Variants in CEP192 observed in about 807,000 individuals in gnomAD.
CEP192 encodes the protein centrosomal protein 192, also known as centrosomal protein of 192 kDa.
CEP192 carries 151 observed loss-of-function variants against 271.8 expected under a neutral mutation model. That is an observed-to-expected ratio of 0.56 (90% CI 0.49 to 0.64). The LOEUF (loss-of-function observed/expected upper bound fraction) is 0.64. Among genes scored for constraint, CEP192 ranks in the 30% least tolerant of loss-of-function variants. CEP192 has a pLI of 0.00. For synonymous variants in CEP192, 995 were observed against 1,076.5 expected, an observed-to-expected ratio of 0.92 and a Z score of 1.48; for missense variants, 2,910 against 3,020.5, an observed-to-expected ratio of 0.96 and a Z score of 0.86.
chr18:13,087,374 A>G (rs2038945416), intron 31 of CEP192, 97 bp downstream of exon 31: 2 of 1,156,716 alleles, frequency 1.7e-6, no homozygotes, highest in East Asian at 2.5e-5. Context: ...ATACTTGAAA[A>G]TAATGTAGGA....
intron 15 of CEP192, among the ~76,000 whole-genome samples, chr18:13,047,226 C>T (rs1175720991): frequency 1.3e-5 from 2 of 152,128 alleles, no homozygotes; most frequent in Non-Finnish European, 2.9e-5. Context: ...TGGAATTGAG[C>T]TGATTGGAGC....
chr18:13,064,236 A>G (rs949356489), intron 21 of CEP192, among the ~76,000 whole-genome samples: 5 of 152,154 alleles, frequency 3.3e-5, no homozygotes, highest in African/African-American at 7.2e-5. Flanking sequence ...TCTTCTGCAT[A>G]TGGATATCCA....
chr18:13,084,432 AG>A (rs997491224), intron 30 of CEP192, among the ~76,000 whole-genome samples: 4 of 152,214 alleles, frequency 2.6e-5, no homozygotes, highest in Admixed American at 1.3e-4. Context: ...TGCCAAGCCA[AG>A]CGCGGGATAA....
Position 13,068,366 on chromosome 18 carries a change from A to G in CEP192, c.4766A>G (p.Glu1589Gly), listed in dbSNP as rs1568367530. 6.2e-7 allele frequency: 1 copy of G among 1,612,424 alleles called. No individual in the cohort carries two copies. Among genetic ancestry groups the G allele is most frequent in the Non-Finnish European group, 8.5e-7 (1 of 1,179,084 alleles). ...MPASYDGQDP[E>G]FLMIWVLFHS... The stretch of plus-strand genomic sequence containing the variant: ...TTTCTTTTAATTTTATAGGATCCAG[A>G]ATTTCTGATGATTTGGGTTCTTTTC... The change falls in exon 24 of 45, where the codon GAA becomes GGA. Residue 1589 changes from glutamate (E) to glycine (G), a missense_variant. Glu to Gly is a moderately conservative substitution (Grantham distance 98, BLOSUM62 -2). Transcript: ENST00000506447.
At chr18:13,004,441 C>CA (rs934887637) in intron 3 of CEP192, among the ~76,000 whole-genome samples, 1 of 152,194 alleles carries the variant, frequency 6.6e-6, no homozygotes, top group East Asian at 1.9e-4. Flanking sequence ...GGGTAGGCCA[C>CA]AATGTGCAGT....
chr18:13,040,077 A>C (rs1362224024), intron 13 of CEP192, among the ~76,000 whole-genome samples: 1 of 152,228 alleles, frequency 6.6e-6, no homozygotes, highest in East Asian at 1.9e-4. Flanking sequence ...GATTCATAGA[A>C]GTTGAAGAGT....
chr18:13,124,557 AG>A (rs1179885453), intron 44 of CEP192, 74 bp from the exon 45 acceptor site: 1 of 1,419,352 alleles, frequency 7.0e-7, no homozygotes, highest in South Asian at 1.6e-5. Context: ...CACCTGAGCC[AG>A]GCACTGTGCT....
At chr18:13,047,844 T>G (rs538185146) in intron 15 of CEP192, among the ~76,000 whole-genome samples, 1 of 152,350 alleles carries the variant, frequency 6.6e-6, no homozygotes, top group Non-Finnish European at 1.5e-5. Flanking sequence ...GCAATCACAA[T>G]GACTCAGTGG....
Position 13,049,078 on chromosome 18 carries a change from C to A in CEP192, c.2287C>A (p.Arg763Ser), listed in dbSNP as rs752331027. The change falls in exon 16 of 45, where the codon CGT (arginine) becomes AGT (serine). Residue 763 changes from arginine to serine, a missense_variant. Transcript: ENST00000506447. ...GAAACAAAAGGACTATTCTCATGTG[C>A]GTCATTTCTTACCTAATGATTTAGA... is the stretch of plus-strand genomic sequence containing the variant. ...DEKQKDYSHV[R>S]HFLPNDLEKS... 2 of 1,613,618 alleles carry A rather than the reference C, an allele frequency of 1.2e-6. No homozygotes were observed. The highest frequency in any genetic ancestry group is 2.7e-5 in the African/African-American group (2 of 74,856).
chr18:13,089,725 C>A (rs1253279143), intron 33 of CEP192, among the ~76,000 whole-genome samples, 160 bp downstream of exon 33: 1 of 152,208 alleles, frequency 6.6e-6, no homozygotes, highest in Non-Finnish European at 1.5e-5. Context: ...CAAATTACAT[C>A]ATTGAATGTC....
chr18:13,061,610 T>C (rs1355257439), intron 21 of CEP192, among the ~76,000 whole-genome samples: 1 of 152,270 alleles, frequency 6.6e-6, no homozygotes, highest in Non-Finnish European at 1.5e-5. Context: ...TTTGCACATA[T>C]TATAAACTTT....
At chr18:12,999,697 G>C (rs2033484132) in intron 2 of CEP192, 109 bp downstream of exon 2, 1 of 668,818 alleles carries the variant, frequency 1.5e-6, no homozygotes, top group East Asian at 3.1e-5. Flanking sequence ...TATCTATGAG[G>C]GGGATGGCCA....
Position 13,124,633 on chromosome 18 carries a change from G to A in CEP192, c.7477G>A (p.Ala2493Thr), listed in dbSNP as rs2040822199. The change falls in exon 45 of 45, where the codon GCC becomes ACC. Residue 2493 changes from alanine to threonine, a missense_variant and splice_region_variant. Coordinates refer to ENST00000506447, the MANE Select transcript of CEP192 (RefSeq NM_032142.4). ...TGTCATGTGCCTCTCTCTTTCCAGAGCCCAGCATTACATCAACATGCCCGT... is the reference window on the plus strand; with the variant it reads ...TGTCATGTGCCTCTCTCTTTCCAGAACCCAGCATTACATCAACATGCCCGT... The part of the protein sequence containing the change: ...YVKHSKYSLR[A>T]QHYINMPVQF... 2 of 1,612,066 alleles carry A rather than the reference G, an allele frequency of 1.2e-6. No individual in the cohort carries two copies. Among genetic ancestry groups the A allele is most frequent in the African/African-American group, 2.7e-5 (2 of 74,874 alleles).
chr18:13,027,578 C>A (rs768541105), intron 9 of CEP192, among the ~76,000 whole-genome samples: 1 of 152,192 alleles, frequency 6.6e-6, no homozygotes, highest in Admixed American at 6.5e-5. Context: ...TTTAGAGGCC[C>A]CAGTTTATCC....
At chr18:13,117,539 G>T (rs1424395294) in intron 43 of CEP192, 46 bp from the exon 44 acceptor site, 4 of 1,380,962 alleles carry the variant, frequency 2.9e-6, no homozygotes, top group Non-Finnish European at 4.1e-6. Flanking sequence ...TATGCTAAAA[G>T]ATCTAATTTT....
In CEP192 at chr18:13,018,623, T is replaced by C; in HGVS notation, c.925+8T>C. 4 of 1,470,552 alleles carry C rather than the reference T, an allele frequency of 2.7e-6. No individual in the cohort carries two copies. Among genetic ancestry groups the C allele is most frequent in the Middle Eastern group, 1.8e-4 (1 of 5,682 alleles). 91.1% of individuals were successfully genotyped at this position (1,470,552 alleles called of 1,614,324 possible). A position where few individuals can be genotyped will look rare whatever the true frequency, so the allele number is the denominator to read the frequency against. ...TTTGTCTACCTGGGACTAGTAAGTA[T>C]AGAAATATGATTCTTTTGTTCTTAA... is the stretch of plus-strand genomic sequence containing the variant. On this transcript the variant is annotated splice_region_variant and intron_variant, in intron 8 of 44. Coordinates refer to ENST00000506447, the MANE Select transcript of CEP192 (RefSeq NM_032142.4).
chr18:13,049,267 G>A lies in CEP192; in HGVS notation c.2476G>A (p.Asp826Asn). The A allele has an allele frequency of 6.2e-7, 1 of 1,614,120 alleles. No individual in the cohort carries two copies. Reference sequence around the variant, plus strand: ...AACTACTCAAGACATTCATCCGGTGGACTTAAGTGCTACTAGTGTAAGTGT... The same window carrying A: ...AACTACTCAAGACATTCATCCGGTGAACTTAAGTGCTACTAGTGTAAGTGT... ...EQTTQDIHPV[D>N]LSATSVSVRA... The change falls in exon 16 of 45, where the codon GAC (aspartate) becomes AAC (asparagine). Residue 826 changes from aspartate to asparagine, a missense_variant. Coordinates refer to ENST00000506447, the MANE Select transcript of CEP192 (RefSeq NM_032142.4).
At chr18:13,088,686 C>G (rs953230865) in intron 32 of CEP192, 1 of 233,270 alleles carries the variant, frequency 4.3e-6, no homozygotes, top group Non-Finnish European at 8.9e-6. Flanking sequence ...CCTTCTGACC[C>G]TTTGTGCTTG....
intron 12 of CEP192, 122 bp from the exon 13 acceptor site, chr18:13,038,247 TG>T: frequency 1.3e-6 from 1 of 742,968 alleles, no homozygotes; most frequent in Admixed American, 2.9e-5. Context: ...ATTTTTTTTT[TG>T]TCTAGTTTTT....
Sources: gnomAD v4.1 joint callset for allele counts (sites outside exome capture counted in the v4.1 genomes callset) on GRCh38, gnomAD v4.1.1 for gene constraint, MANE v1.5 for transcripts, NCBI Gene and HGNC (gene_info 2026-07-23, HGNC 2026-07-21) for gene names.